Variants in SGCE observed in about 807,000 individuals in gnomAD.
The protein encoded by SGCE is epsilon-sarcoglycan.
Under a neutral mutation model 57.8 loss-of-function variants are expected in SGCE, and 26 were observed. That is an observed-to-expected ratio of 0.45 (90% CI 0.33 to 0.62). The LOEUF (loss-of-function observed/expected upper bound fraction) is 0.62. Among genes scored for constraint, SGCE ranks in the 20% least tolerant of loss-of-function variants. The pLI is 0.02. For missense variants in SGCE, 468 were observed against 548.6 expected (o/e 0.85, Z 1.47); for synonymous variants, 183 against 189.5 (o/e 0.97, Z 0.28).
At chr7:94,639,511 T>G in intron 1 of SGCE, 1 of 977,416 alleles carries the variant, frequency 1.0e-6, no homozygotes, top group Non-Finnish European at 1.6e-6. Flanking sequence ...TTAAAATGAC[T>G]GTCACAGATC....
chr7:94,630,285 T>C (rs897169333), intron 1 of SGCE, among the ~76,000 whole-genome samples: 2 of 151,868 alleles, frequency 1.3e-5, no homozygotes, highest in Non-Finnish European at 2.9e-5. Context: ...TAAGAATCCA[T>C]ACTATACTAA....
chr7:94,637,389 C>T (rs1035534226), intron 1 of SGCE, among the ~76,000 whole-genome samples: 3 of 152,096 alleles, frequency 2.0e-5, no homozygotes, highest in African/African-American at 7.2e-5. Context: ...GAAAAATAAT[C>T]TAAAGGATGA....
At chr7:94,642,376 C>G (rs1806512506) in intron 1 of SGCE, among the ~76,000 whole-genome samples, 1 of 152,128 alleles carries the variant, frequency 6.6e-6, no homozygotes, top group African/African-American at 2.4e-5. Context: ...TGGCAAAATA[C>G]TCCACCCCCA....
rs1405739166 is a variant in SGCE at position 94,601,252 on chromosome 7, T to G, written c.826-395A>C. The stretch of plus-strand genomic sequence containing the variant: ...GTGCAGATTTTACCAAACCTAAAAC[T>G]GGCTGAAAACCAGGTATGCACGTAT... On this transcript the variant is annotated intron_variant, in intron 6 of 10. Transcript: ENST00000648936. 2.0e-5 allele frequency among the ~76,000 whole-genome samples: 3 copies of G among 151,200 alleles called. No homozygotes were observed. In the East Asian group the frequency reaches 5.8e-4, roughly 29 times the overall value.
chr7:94,600,289 C>T (rs1799006412), intron 7 of SGCE: 2 of 238,496 alleles, frequency 8.4e-6, no homozygotes, highest in African/African-American at 2.3e-5. Context: ...ATCAAACTAA[C>T]ACAATTTTTT....
chr7:94,615,977 G>C (rs2116859079), intron 5 of SGCE, among the ~76,000 whole-genome samples: 1 of 152,346 alleles, frequency 6.6e-6, no homozygotes, highest in East Asian at 1.9e-4. Flanking sequence ...TCTGGCAAGT[G>C]AAAATGAATC....
chr7:94,590,705 T>C (rs948671059), intron 9 of SGCE: 1 of 152,246 alleles, frequency 6.6e-6, no homozygotes, highest in Admixed American at 6.5e-5. Flanking sequence ...GAGATAAATG[T>C]GAGGTTGCCT....
rs752351941 is a variant in SGCE at position 94,603,379 on chromosome 7, A to G, written c.736T>C (p.Leu246=). 16 of 1,612,978 alleles carry G rather than the reference A, an allele frequency of 9.9e-6. No homozygotes were observed. The highest frequency in any genetic ancestry group is 1.6e-4 in the Middle Eastern group (1 of 6,078). ...LREVENPQNQ[L]RCSQEMEPVI... ...GGCTCCATTTCTTGACTACATCTCA[A>G]TTGATTCTGTGGATTTTCAACTTCT... Residue 246 remains leucine (L), a synonymous_variant, in exon 6 of 11, where the codon TTG becomes CTG. Transcript: ENST00000648936.
chr7:94,586,073 A>AC (rs892128676), intron 10 of SGCE, among the ~76,000 whole-genome samples: 12 of 150,100 alleles, frequency 8.0e-5, no homozygotes, highest in South Asian at 2.1e-4. Flanking sequence ...AAAAAAAAAA[A>AC]AAAAAAAAAA....
At chr7:94,625,052 T>C (rs948943387) in intron 3 of SGCE, 10 of 152,050 alleles carry the variant, frequency 6.6e-5, no homozygotes, top group African/African-American at 2.4e-4. Context: ...ATTTTACTTA[T>C]TATGATGATG....
chr7:94,613,079 G>A (rs1801306871), intron 5 of SGCE, among the ~76,000 whole-genome samples: 1 of 152,134 alleles, frequency 6.6e-6, no homozygotes, highest in South Asian at 2.1e-4. Context: ...TAGCCTACTG[G>A]CTAAATGAAT....
At chr7:94,655,862 T>C (rs894627180) in intron 1 of SGCE, 128 bp downstream of exon 1, 1 of 671,002 alleles carries the variant, frequency 1.5e-6, no homozygotes. Flanking sequence ...AGGGGTACGG[T>C]GGGGTCCGGG....
chr7:94,588,029 T>A, intron 10 of SGCE: 2 of 1,381,830 alleles, frequency 1.4e-6, no homozygotes, highest in Non-Finnish European at 1.9e-6. Flanking sequence ...CCCTGGCAAT[T>A]AGAACTAGGA....
rs939785331 is a variant in SGCE, at chr7:94,628,703, G to A, written c.233-344C>T. Reference sequence around the variant, plus strand: ...CATGCTAATGTACTCATTCTTTTGCGAAATATTCCGTTCATGAAACTCTGG... The same window carrying A: ...CATGCTAATGTACTCATTCTTTTGCAAAATATTCCGTTCATGAAACTCTGG... On this transcript the variant is annotated intron_variant, in intron 2 of 10. Transcript: ENST00000648936. 6.4e-5 allele frequency: 16 copies of A among 249,848 alleles called. No individual in the cohort carries two copies. The East Asian group carries it at 1.0e-3, about 16-fold the overall frequency. 15.5% of individuals were successfully genotyped at this position (249,848 alleles called of 1,614,324 possible).
chr7:94,609,945 G>A (rs991453354), intron 5 of SGCE, among the ~76,000 whole-genome samples: 2 of 152,152 alleles, frequency 1.3e-5, no homozygotes, highest in African/African-American at 4.8e-5. Context: ...GCCAAAATAT[G>A]GGGGCAACCA....
At chr7:94,639,083 A>G (rs1806013974) in intron 1 of SGCE, among the ~76,000 whole-genome samples, 1 of 152,224 alleles carries the variant, frequency 6.6e-6, no homozygotes, top group Admixed American at 6.5e-5. Flanking sequence ...TAAGTTAAAA[A>G]CATAGGAATG....
rs192492899 is a variant in SGCE, at chr7:94,592,385, G to T, written c.1254-3653C>A. ...AAAGGCAATTATACAGGAGCGGGGG[G>T]TCGACTTCAAATAGAGGCCCTATAA... On this transcript the variant is annotated intron_variant, in intron 9 of 10. Coordinates refer to ENST00000648936, the MANE Select transcript of SGCE (RefSeq NM_003919.3). Among the ~76,000 whole-genome samples the T allele has an allele frequency of 3.3e-5, 5 of 152,234 alleles. No individual in the cohort carries two copies. The South Asian group carries it at 1.0e-3, about 32-fold the overall frequency.
intron 1 of SGCE, among the ~76,000 whole-genome samples, chr7:94,632,503 T>G (rs1161877109): frequency 1.3e-5 from 2 of 152,124 alleles, no homozygotes; most frequent in African/African-American, 4.8e-5. Context: ...GTCAGTTACC[T>G]TGGCAACTCC....
intron 10 of SGCE, chr7:94,588,148 A>C: frequency 8.9e-7 from 1 of 1,127,358 alleles, no homozygotes; most frequent in South Asian, 3.3e-5. Flanking sequence ...AGAAATAAAG[A>C]AAGCAAGTCT....
Sources: gnomAD v4.1 joint callset for allele counts (sites outside exome capture counted in the v4.1 genomes callset) on GRCh38, gnomAD v4.1.1 for gene constraint, MANE v1.5 for transcripts, NCBI Gene and HGNC (gene_info 2026-07-23, HGNC 2026-07-21) for gene names.